The following IMMP2L variants were observed in gnomAD, a reference collection of about 807,000 sequenced individuals.
The protein encoded by IMMP2L is mitochondrial inner membrane protease subunit 2.
IMMP2L carries 18 observed loss-of-function variants against 19.3 expected under a neutral mutation model. The observed-to-expected ratio is 0.93, with a 90% CI of 0.64 to 1.38. The LOEUF (loss-of-function observed/expected upper bound fraction) is 1.38. IMMP2L is among the 40% of genes most tolerant of loss of function. IMMP2L has a pLI of 0.00. For missense variants in IMMP2L, 233 were observed against 218.2 expected (o/e 1.07, Z -0.43); for synonymous variants, 76 against 73.0 (o/e 1.04, Z -0.21).
Position 111,483,718 on chromosome 7 carries a change from T to A in IMMP2L, c.239+3520A>T, listed in dbSNP as rs527470543. 13 of 152,340 alleles carry A rather than the reference T, an allele frequency of 8.5e-5. No homozygotes were observed. The East Asian group carries it at 1.9e-3, about 23-fold the overall frequency. The allele number at this position is 152,340 out of a possible 1,614,324, so 9.4% of individuals were successfully genotyped here. A position where few individuals can be genotyped will look rare whatever the true frequency, so the allele number is the denominator to read the frequency against. On this transcript the variant is annotated intron_variant, in intron 3 of 5. Coordinates refer to ENST00000405709, the MANE Select transcript of IMMP2L (RefSeq NM_032549.4). Reference sequence around the variant, plus strand: ...ATAGAAAGGACAGTCTGCTTTGCTATATATGTGTTTCTGTAACATGAATTA... The same window carrying A: ...ATAGAAAGGACAGTCTGCTTTGCTAAATATGTGTTTCTGTAACATGAATTA...
At chr7:111,310,307 C>T (rs1234614269) in intron 3 of IMMP2L, among the ~76,000 whole-genome samples, 4 of 150,254 alleles carry the variant, frequency 2.7e-5, no homozygotes, top group Admixed American at 6.6e-5. Flanking sequence ...ACTGGATCCA[C>T]GAACTTCGCC....
intron 3 of IMMP2L, among the ~76,000 whole-genome samples, chr7:111,376,456 T>C (rs1830684461): frequency 6.6e-6 from 1 of 152,056 alleles, no homozygotes; most frequent in Non-Finnish European, 1.5e-5. Context: ...CTGGTGAGAA[T>C]GTGAAATGGA....
At chr7:111,282,924 C>A (rs540780759) in intron 3 of IMMP2L, among the ~76,000 whole-genome samples, 1 of 152,174 alleles carries the variant, frequency 6.6e-6, no homozygotes, top group African/African-American at 2.4e-5. Context: ...ACTAACTAGA[C>A]AGAAGATCAA....
chr7:110,927,127 C>G (rs1814942376), intron 4 of IMMP2L, among the ~76,000 whole-genome samples: 1 of 151,864 alleles, frequency 6.6e-6, no homozygotes, highest in Admixed American at 6.6e-5. Flanking sequence ...CTCCTCCTAC[C>G]CCCACTTCAC....
chr7:111,126,173 C>T lies in IMMP2L; in HGVS notation c.240-162608G>A, dbSNP rs139053769. 3.2e-4 allele frequency among the ~76,000 whole-genome samples: 49 copies of T among 152,150 alleles called. 1 individual carries two copies. The East Asian group carries it at 8.3e-3, about 26-fold the overall frequency. On this transcript the variant is annotated intron_variant, in intron 3 of 5. Coordinates refer to ENST00000405709, the MANE Select transcript of IMMP2L (RefSeq NM_032549.4). ...TTGCCAAATTTCATTATGACTTATGCTCTAGGTATAATTTTCAAATCTCTC... is the reference window on the plus strand; with the variant it reads ...TTGCCAAATTTCATTATGACTTATGTTCTAGGTATAATTTTCAAATCTCTC...
intron 5 of IMMP2L, among the ~76,000 whole-genome samples, chr7:110,759,244 C>T (rs1421782497): frequency 6.6e-6 from 1 of 152,054 alleles, no homozygotes; most frequent in African/African-American, 2.4e-5. Flanking sequence ...TCTGTTCATA[C>T]CTGTGCTATG....
intron 5 of IMMP2L, among the ~76,000 whole-genome samples, chr7:110,781,701 T>C (rs1352758380): frequency 6.6e-6 from 1 of 151,814 alleles, no homozygotes; most frequent in Admixed American, 6.6e-5. Context: ...TTGTCAAAAC[T>C]CTTCATCCAA....
At chr7:111,219,419 A>G (rs985495833) in intron 3 of IMMP2L, among the ~76,000 whole-genome samples, 9 of 152,032 alleles carry the variant, frequency 5.9e-5, no homozygotes, top group Non-Finnish European at 1.2e-4. Flanking sequence ...TTTTAAACAA[A>G]TAATGCAGGT....
chr7:111,013,832 T>C (rs939315566), intron 3 of IMMP2L, among the ~76,000 whole-genome samples: 8 of 152,198 alleles, frequency 5.3e-5, no homozygotes, highest in Admixed American at 5.2e-4. Context: ...TTATTTTTTT[T>C]TTCTTTTTTA....
In IMMP2L at chr7:110,903,766, T is replaced by A. The variant is rs1427987195; in HGVS notation, c.306-17071A>T. Among the ~76,000 whole-genome samples, 4 of 151,562 alleles carry A rather than the reference T, an allele frequency of 2.6e-5. No homozygotes were observed. The East Asian group carries it at 7.7e-4, about 29-fold the overall frequency. On this transcript the variant is annotated intron_variant, in intron 4 of 5. Coordinates refer to ENST00000405709, the MANE Select transcript of IMMP2L (RefSeq NM_032549.4). ...TGCTGATGCTGGATCATATAGTAGC[T>A]CTGTTTTCACTTTTTTTTTTTGTAG... is the stretch of plus-strand genomic sequence containing the variant.
chr7:111,357,599 A>G (rs1299817409), intron 3 of IMMP2L, among the ~76,000 whole-genome samples: 1 of 152,106 alleles, frequency 6.6e-6, no homozygotes, highest in Non-Finnish European at 1.5e-5. Flanking sequence ...TTTTGTCTGA[A>G]TGTTGCACTT....
chr7:111,116,748 ACT>A (rs1221541687), intron 3 of IMMP2L, among the ~76,000 whole-genome samples: 2 of 152,148 alleles, frequency 1.3e-5, no homozygotes, highest in Non-Finnish European at 2.9e-5. Context: ...TCTGAGTGAA[ACT>A]TTATTATCAA....
intron 3 of IMMP2L, among the ~76,000 whole-genome samples, chr7:111,287,910 G>C (rs1032411610): frequency 6.6e-6 from 1 of 152,100 alleles, no homozygotes; most frequent in African/African-American, 2.4e-5. Context: ...ATTTAATCTT[G>C]CTTCATAAAG....
chr7:111,559,879 T>C (rs1563359861), intron 1 of IMMP2L, among the ~76,000 whole-genome samples: 1 of 152,120 alleles, frequency 6.6e-6, no homozygotes, highest in Non-Finnish European at 1.5e-5. Context: ...ATCAAGCTCA[T>C]GTCCAAAAGA....
intron 3 of IMMP2L, among the ~76,000 whole-genome samples, chr7:111,446,289 G>A (rs1201928582): frequency 1.3e-5 from 2 of 149,954 alleles, no homozygotes; most frequent in Admixed American, 6.6e-5. Context: ...AGTAACCTCT[G>A]CAGACTTAAA....
intron 3 of IMMP2L, among the ~76,000 whole-genome samples, chr7:111,130,469 T>C (rs1308589749): frequency 2.0e-5 from 3 of 152,224 alleles, no homozygotes; most frequent in Middle Eastern, 3.4e-3. Flanking sequence ...GATGTGACCA[T>C]TGTAAAGAAA....
intron 2 of IMMP2L, among the ~76,000 whole-genome samples, chr7:111,512,691 C>T (rs1845557799): frequency 6.6e-6 from 1 of 151,948 alleles, no homozygotes; most frequent in Non-Finnish European, 1.5e-5. Context: ...AGGCATCACA[C>T]TACTTAACTC....
intron 3 of IMMP2L, among the ~76,000 whole-genome samples, chr7:111,418,867 G>A (rs1835198080): frequency 6.6e-6 from 1 of 151,642 alleles, no homozygotes; most frequent in Admixed American, 6.6e-5. Flanking sequence ...ATGCCCAATA[G>A]CTAAATGCCA....
intron 3 of IMMP2L, among the ~76,000 whole-genome samples, chr7:111,212,886 C>T (rs1003274204): frequency 2.0e-5 from 3 of 152,142 alleles, no homozygotes; most frequent in Admixed American, 6.5e-5. Flanking sequence ...TGTGGACTAC[C>T]GGTCTCATTC....
Sources: allele counts gnomAD v4.1 joint callset (sites outside exome capture counted in the v4.1 genomes callset), GRCh38; gene constraint gnomAD v4.1.1; transcripts MANE v1.5; gene names NCBI Gene and HGNC (gene_info 2026-07-23, HGNC 2026-07-21).